The following PRICKLE2 variants were observed in gnomAD, a reference collection of about 807,000 sequenced individuals.
PRICKLE2 encodes the protein prickle planar cell polarity protein 2.
PRICKLE2 carries 21 observed loss-of-function variants against 81.4 expected under a neutral mutation model. The ratio of observed to expected loss-of-function variants is 0.26; its 90% CI spans 0.18 to 0.37. The LOEUF (loss-of-function observed/expected upper bound fraction) is 0.37. Among genes scored for constraint, PRICKLE2 ranks in the 10% least tolerant of loss-of-function variants. The pLI, the probability that PRICKLE2 is intolerant of heterozygous loss-of-function variation, is 1.00. For missense variants in PRICKLE2, 940 were observed against 1,109.0 expected, an observed-to-expected ratio of 0.85 and a Z score of 2.16; for synonymous variants, 456 against 421.5, an observed-to-expected ratio of 1.08 and a Z score of -1.00.
intron 2 of PRICKLE2, among the ~76,000 whole-genome samples, chr3:64,188,894 C>T (rs575465360): frequency 2.6e-5 from 4 of 152,178 alleles, no homozygotes; most frequent in African/African-American, 9.6e-5. Context: ...CTGTCAACTC[C>T]TTGCTCCAGA....
intron 7 of PRICKLE2, among the ~76,000 whole-genome samples, chr3:64,117,297 G>A (rs58531126): frequency 6.6e-6 from 1 of 152,100 alleles, no homozygotes; most frequent in Non-Finnish European, 1.5e-5. Context: ...CATAAGACAA[G>A]GATGCCCTCT....
intron 2 of PRICKLE2, among the ~76,000 whole-genome samples, chr3:64,245,718 A>T (rs2079339298): frequency 6.6e-6 from 1 of 152,174 alleles, no homozygotes; most frequent in Non-Finnish European, 1.5e-5. Flanking sequence ...TTTTAAATCC[A>T]ACGGAATGGG....
intron 2 of PRICKLE2, among the ~76,000 whole-genome samples, chr3:64,178,992 TTTC>T (rs2078074260): frequency 1.4e-5 from 2 of 145,656 alleles, no homozygotes; most frequent in Non-Finnish European, 3.0e-5. Context: ...TCTTTCTTTC[TTTC>T]TTTCTTTCTT....
intron 7 of PRICKLE2, among the ~76,000 whole-genome samples, chr3:64,127,676 C>T (rs541728153): frequency 5.7e-4 from 87 of 152,052 alleles, no homozygotes; most frequent in Non-Finnish European, 9.7e-4. Context: ...CTGTACCCAG[C>T]GTCCATCTCA....
At chr3:64,200,426 T>C (rs1245358483) in intron 1 of PRICKLE2, 1 of 152,206 alleles carries the variant, frequency 6.6e-6, no homozygotes, top group East Asian at 1.9e-4. Flanking sequence ...TCTGATTACT[T>C]ATGTATAATT....
At chr3:64,162,150 G>A (rs1254590910) in intron 3 of PRICKLE2, among the ~76,000 whole-genome samples, 1 of 152,088 alleles carries the variant, frequency 6.6e-6, no homozygotes, top group East Asian at 1.9e-4. Context: ...TCAGCTCGTG[G>A]GTTGGAGAGT....
chr3:64,243,355 C>T (rs2079296839), intron 2 of PRICKLE2, among the ~76,000 whole-genome samples: 3 of 152,316 alleles, frequency 2.0e-5, no homozygotes, highest in Middle Eastern at 3.4e-3. Flanking sequence ...CCATGAGATG[C>T]CACTGGTCAC....
In PRICKLE2 at chr3:64,153,226, T is replaced by A; in HGVS notation, c.743A>T (p.Glu248Val). The change falls in exon 6 of 8, where the codon GAG becomes GTG. Residue 248 changes from glutamate to valine, a missense_variant. Glu to Val is a moderately radical substitution (Grantham distance 121). Transcript: ENST00000638394. Reference sequence around the variant, plus strand: ...GTCACAATATTCTGCATACAAGGACTCGAAGCAGTGGCAACAGTAGGGTCT... The same window carrying A: ...GTCACAATATTCTGCATACAAGGACACGAAGCAGTGGCAACAGTAGGGTCT... ...EGRPYCCHCFESLYAEYCDTC... is the reference protein window; with the variant it reads ...EGRPYCCHCFVSLYAEYCDTC... 1 of 1,614,206 alleles carries A rather than the reference T, an allele frequency of 6.2e-7. No individual in the cohort carries two copies. The highest frequency in any genetic ancestry group is 8.5e-7 in the Non-Finnish European group (1 of 1,180,038).
intron 2 of PRICKLE2, among the ~76,000 whole-genome samples, chr3:64,241,364 C>G (rs568124574): frequency 6.6e-6 from 1 of 152,310 alleles, no homozygotes; most frequent in South Asian, 2.1e-4. Flanking sequence ...CTCTGAAACA[C>G]CAGGGCGGAG....
At chr3:64,240,007 C>T (rs2079239677) in intron 2 of PRICKLE2, among the ~76,000 whole-genome samples, 1 of 148,854 alleles carries the variant, frequency 6.7e-6, no homozygotes, top group Non-Finnish European at 1.5e-5. Flanking sequence ...ACTATAGTCT[C>T]ACCTACTTGG....
intron 2 of PRICKLE2, among the ~76,000 whole-genome samples, chr3:64,171,396 C>A (rs2077928903): frequency 2.6e-5 from 4 of 152,214 alleles, no homozygotes; most frequent in Admixed American, 2.6e-4. Flanking sequence ...AAACTTCCTA[C>A]AATACATGGG....
intron 2 of PRICKLE2, among the ~76,000 whole-genome samples, chr3:64,252,025 T>C (rs377266841): frequency 1.2e-4 from 18 of 152,240 alleles, no homozygotes; most frequent in African/African-American, 4.3e-4. Flanking sequence ...GACCTTCCTA[T>C]GGGTGAATTC....
chr3:64,099,512 G>A lies in PRICKLE2; in HGVS notation c.2074C>T (p.Arg692Cys), dbSNP rs1559505999. ...FRPHRSRRSRRSRSDNALHLA... is the reference protein window; with the variant it reads ...FRPHRSRRSRCSRSDNALHLA... ...TGGAGGGCGTTGTCGGAGCGAGAGC[G>A]TCGGGAACGCCTGGACCTGTGAGGT... The change falls in exon 8 of 8, where the codon CGC (arginine) becomes TGC (cysteine). Residue 692 changes from arginine to cysteine, a missense_variant. This residue lies in a region of PRICKLE2 where 670 missense variants were observed against 717.2 expected (regional missense o/e 0.93). Coordinates refer to ENST00000638394, the MANE Select transcript of PRICKLE2 (RefSeq NM_198859.4). This position sits in a 1 kb window ranked among gnomAD's most constrained non-coding sequence, Gnocchi z 4.3. 1.9e-6 allele frequency: 3 copies of A among 1,600,978 alleles called. No homozygotes were observed. Among genetic ancestry groups the A allele is most frequent in the Non-Finnish European group, 1.7e-6 (2 of 1,169,820 alleles).
At chr3:64,116,327 A>G (rs780887782) in intron 7 of PRICKLE2, among the ~76,000 whole-genome samples, 1 of 152,194 alleles carries the variant, frequency 6.6e-6, no homozygotes, top group Non-Finnish European at 1.5e-5. Flanking sequence ...AACTAGCCGA[A>G]GACACAAAAT....
intron 2 of PRICKLE2, among the ~76,000 whole-genome samples, chr3:64,189,461 G>C (rs767593883): frequency 6.6e-6 from 1 of 152,166 alleles, no homozygotes; most frequent in Non-Finnish European, 1.5e-5. Context: ...CAATGTGCAT[G>C]CTCTTCACTG....
At chr3:64,160,159 G>T in intron 3 of PRICKLE2, 82 bp from the exon 4 acceptor site, 3 of 1,450,486 alleles carry the variant, frequency 2.1e-6, no homozygotes, top group Non-Finnish European at 2.9e-6. Flanking sequence ...GAGTTTTCTC[G>T]TTAAATACAC....
At chr3:64,170,007 A>G (rs1298915367) in intron 2 of PRICKLE2, among the ~76,000 whole-genome samples, 1 of 152,124 alleles carries the variant, frequency 6.6e-6, no homozygotes, top group African/African-American at 2.4e-5. Flanking sequence ...GCTGCTCATG[A>G]GGGCCCCTGT....
At chr3:64,259,159 G>C (rs913662971) in intron 2 of PRICKLE2, among the ~76,000 whole-genome samples, 1 of 152,094 alleles carries the variant, frequency 6.6e-6, no homozygotes, top group African/African-American at 2.4e-5. Context: ...CAATTCTTGG[G>C]CCAGAGTTAG....
intron 2 of PRICKLE2, among the ~76,000 whole-genome samples, chr3:64,192,170 C>G (rs11712216): frequency 0.12 from 17,855 of 152,180 alleles, 1,257 homozygotes; most frequent in East Asian, 0.22. Context: ...AGGCTTTTAT[C>G]TCTTCAGTGT....
Sources: gnomAD v4.1 joint callset for allele counts (sites outside exome capture counted in the v4.1 genomes callset) on GRCh38, gnomAD v4.1.1 for gene constraint, gnomAD v4.1.1 regional missense constraint, Gnocchi (gnomAD v3.1) non-coding constraint, MANE v1.5 for transcripts, NCBI Gene and HGNC (gene_info 2026-07-23, HGNC 2026-07-21) for gene names.